NR1I2: variants seen among roughly 807,000 people sequenced by gnomAD.
The protein encoded by NR1I2 is nuclear receptor subfamily 1 group I member 2.
A neutral mutation model predicts 43.3 loss-of-function variants in NR1I2; 42 were observed. That is an observed-to-expected ratio of 0.97 (90% CI 0.76 to 1.26). The LOEUF is 1.26. Among genes scored for constraint, NR1I2 ranks in the 50% most tolerant of loss-of-function variants. The pLI, the probability that NR1I2 is intolerant of heterozygous loss-of-function variation, is 0.00. For missense variants in NR1I2, 559 were observed against 566.7 expected (o/e 0.99, Z 0.14); for synonymous variants, 229 against 215.0 (o/e 1.06, Z -0.57).
intron 1 of NR1I2, among the ~76,000 whole-genome samples, chr3:119,784,153 C>T (rs747778435): frequency 4.6e-5 from 7 of 152,170 alleles, no homozygotes; most frequent in Non-Finnish European, 1.0e-4. Context: ...CCACAGTACC[C>T]GAACCGACTG....
At chr3:119,794,509 T>A (rs961014499) in intron 1 of NR1I2, among the ~76,000 whole-genome samples, 2 of 150,690 alleles carry the variant, frequency 1.3e-5, no homozygotes, top group African/African-American at 4.9e-5. Flanking sequence ...TTTTTTTTTT[T>A]AAGAGATAGG....
intron 1 of NR1I2, among the ~76,000 whole-genome samples, chr3:119,805,907 C>G (rs1172122758): frequency 1.3e-5 from 2 of 152,052 alleles, no homozygotes; most frequent in Non-Finnish European, 2.9e-5. Flanking sequence ...CAGGGATTTT[C>G]CCCTGTGCCT....
chr3:119,782,437 G>C, intron 1 of NR1I2, 137 bp downstream of exon 1: 2 of 323,296 alleles, frequency 6.2e-6, no homozygotes, highest in South Asian at 7.5e-5. Flanking sequence ...TGGCCTTGCT[G>C]CTGTCTCCTC....
In NR1I2 at chr3:119,817,366, C is replaced by T; in HGVS notation, c.*154C>T. 3.3e-6 allele frequency: 5 copies of T among 1,519,264 alleles called. No homozygotes were observed. Among genetic ancestry groups the T allele is most frequent in the Non-Finnish European group, 4.4e-6 (5 of 1,137,028 alleles). The allele number at this position is 1,519,264 out of a possible 1,614,324, so 94.1% of individuals were successfully genotyped here. A position where few individuals can be genotyped will look rare whatever the true frequency, so the allele number is the denominator to read the frequency against. Reference sequence around the variant, plus strand: ...AATTCCTGCTATGACAGCTGGCTAGCATTCCTCAGGAAGGACATGGGTGCC... The same window carrying T: ...AATTCCTGCTATGACAGCTGGCTAGTATTCCTCAGGAAGGACATGGGTGCC... On this transcript the variant is annotated 3_prime_UTR_variant, in exon 9 of 9. Coordinates refer to ENST00000393716, the MANE Select transcript of NR1I2 (RefSeq NM_003889.4).
At chr3:119,810,523 A>C in intron 3 of NR1I2, 1 of 340,020 alleles carries the variant, frequency 2.9e-6, no homozygotes, top group Non-Finnish European at 5.5e-6. Context: ...TTGAAACCAC[A>C]TTTGCGGGTA....
chr3:119,797,186 A>ATGTG (rs60261128), intron 1 of NR1I2, among the ~76,000 whole-genome samples: 8,611 of 144,862 alleles, frequency 0.059, 614 homozygotes, highest in African/African-American at 0.18. Flanking sequence ...GCACAAAGAT[A>ATGTG]TGTGTGTGTG....
chr3:119,786,685 C>T (rs772203533), intron 1 of NR1I2, among the ~76,000 whole-genome samples: 2 of 152,156 alleles, frequency 1.3e-5, no homozygotes, highest in Non-Finnish European at 2.9e-5. Context: ...TGTCTAGTAA[C>T]CTTCTGACCT....
At chr3:119,810,007 G>T (rs1232745134) in intron 2 of NR1I2, 54 bp from the exon 3 acceptor site, 1 of 1,611,696 alleles carries the variant, frequency 6.2e-7, no homozygotes, top group Non-Finnish European at 8.5e-7. Flanking sequence ...GGAGCCCCAG[G>T]CCGAGGGCCC....
At chr3:119,813,105 G>C in intron 5 of NR1I2, 145 bp downstream of exon 5, 2 of 937,516 alleles carry the variant, frequency 2.1e-6, no homozygotes, top group Non-Finnish European at 3.3e-6. Flanking sequence ...CGGGCAGCCA[G>C]TGCTGCTGGG....
chr3:119,815,027 C>T lies in NR1I2; in HGVS notation c.843C>T (p.Phe281=), dbSNP rs370257085. Residue 281 remains phenylalanine, a synonymous_variant, in exon 6 of 9, where the codon TTC becomes TTT. Transcript: ENST00000393716. ...TCTCCCTGCTGAAGGGGGCCGCTTT[C>T]GAGCTGTGTCAACTGAGATTCAACA... 8.7e-5 allele frequency: 141 copies of T among 1,614,054 alleles called. No homozygotes were observed. The highest frequency in any genetic ancestry group is 1.6e-4 in the Middle Eastern group (1 of 6,084).
In NR1I2 at chr3:119,812,735, C is replaced by T. The variant is rs775228283; in HGVS notation, c.569C>T (p.Ala190Val). 7 of 1,614,038 alleles carry T rather than the reference C, an allele frequency of 4.3e-6. No individual in the cohort carries two copies. Among genetic ancestry groups the T allele is most frequent in the African/African-American group, 1.3e-5 (1 of 74,920 alleles). ...TGCGAGTTGCCAGAGTCTCTGCAGG[C>T]CCCATCGAGGGAAGAAGCTGCCAAG... Residue 190 changes from alanine to valine, a missense_variant, in exon 5 of 9, where the codon GCC (alanine) becomes GTC (valine). Physicochemically the swap from Ala to Val is moderately conservative, Grantham distance 64. This residue lies in a region of NR1I2 where 4 missense variants were observed against 17.9 expected (regional missense o/e 0.22). Coordinates refer to ENST00000393716, the MANE Select transcript of NR1I2 (RefSeq NM_003889.4).
intron 1 of NR1I2, among the ~76,000 whole-genome samples, chr3:119,784,635 C>G (rs1490797535): frequency 6.6e-6 from 1 of 152,164 alleles, no homozygotes; most frequent in African/African-American, 2.4e-5. Flanking sequence ...AATTATGAAG[C>G]TACTTTGGTG....
At chr3:119,798,818 T>C (rs1037526146) in intron 1 of NR1I2, among the ~76,000 whole-genome samples, 4 of 152,198 alleles carry the variant, frequency 2.6e-5, no homozygotes, top group African/African-American at 7.2e-5. Context: ...GTATACTTCT[T>C]TCACTTAGAA....
At chr3:119,803,596 G>A (rs774812155) in intron 1 of NR1I2, among the ~76,000 whole-genome samples, 3 of 152,106 alleles carry the variant, frequency 2.0e-5, no homozygotes, top group Non-Finnish European at 4.4e-5. Flanking sequence ...CAACCTGAAT[G>A]CACTAAGACA....
intron 1 of NR1I2, among the ~76,000 whole-genome samples, chr3:119,789,355 A>G (rs1354082894): frequency 6.6e-6 from 1 of 152,190 alleles, no homozygotes; most frequent in East Asian, 1.9e-4. Context: ...CAATGGACTC[A>G]CAGTTCCATG....
At chr3:119,792,681 A>C in intron 1 of NR1I2, 4 of 511,314 alleles carry the variant, frequency 7.8e-6, no homozygotes, top group Non-Finnish European at 1.4e-5. Context: ...AAGTGAAGGA[A>C]ATACAGATAA....
At chr3:119,794,856 T>C (rs1236198635) in intron 1 of NR1I2, among the ~76,000 whole-genome samples, 1 of 151,628 alleles carries the variant, frequency 6.6e-6, no homozygotes, top group Admixed American at 6.6e-5. Context: ...GGAGAATTGC[T>C]TGAACCCAGG....
intron 1 of NR1I2, among the ~76,000 whole-genome samples, chr3:119,793,979 C>A (rs1396969466): frequency 6.6e-6 from 1 of 152,104 alleles, no homozygotes; most frequent in African/African-American, 2.4e-5. Flanking sequence ...ATATTCTCTT[C>A]GGTACATAAT....
Position 119,815,432 on chromosome 3 carries a change from C to T in NR1I2, c.1047C>T (p.Phe349=). Residue 349 remains phenylalanine, a synonymous_variant, in exon 7 of 9, where the codon TTC becomes TTT. Transcript: ENST00000393716. Reference sequence around the variant, plus strand: ...TGCTGATGCAGGCCATCTCCCTCTTCTCCCCAGGTGAGGATCTCCCCTAGG... The same window carrying T: ...TGCTGATGCAGGCCATCTCCCTCTTTTCCCCAGGTGAGGATCTCCCCTAGG... 6.2e-7 allele frequency: 1 copy of T among 1,611,562 alleles called. No homozygotes were observed. Among genetic ancestry groups the T allele is most frequent in the Non-Finnish European group, 8.5e-7 (1 of 1,178,962 alleles).
Sources: gnomAD v4.1 joint callset for allele counts (sites outside exome capture counted in the v4.1 genomes callset) on GRCh38, gnomAD v4.1.1 for gene constraint, gnomAD v4.1.1 regional missense constraint, MANE v1.5 for transcripts, NCBI Gene and HGNC (gene_info 2026-07-23, HGNC 2026-07-21) for gene names.